Variants in HIVEP3 observed in about 807,000 individuals in gnomAD.
HIVEP3 encodes HIVEP zinc finger 3, also known as transcription factor HIVEP3.
In HIVEP3, 49 loss-of-function variants were observed where a neutral mutation model predicts 152.8. The observed-to-expected ratio is 0.32, with a 90% CI of 0.26 to 0.41. HIVEP3 has a LOEUF of 0.41. Ranked by LOEUF, HIVEP3 falls within the 10% of genes least tolerant of loss-of-function variation. The pLI, the probability that HIVEP3 is intolerant of heterozygous loss-of-function variation, is 1.00. For synonymous variants in HIVEP3, 1,269 were observed against 1,289.0 expected, an observed-to-expected ratio of 0.98 and a Z score of 0.33; for missense variants, 2,790 against 3,103.3, an observed-to-expected ratio of 0.90 and a Z score of 2.40.
chr1:41,622,494 C>T (rs935605521), intron 3 of HIVEP3, among the ~76,000 whole-genome samples: 18 of 152,148 alleles, frequency 1.2e-4, no homozygotes, highest in Non-Finnish European at 5.9e-5. Flanking sequence ...CAAATCCAGC[C>T]GGCTGCCTGT....
At chr1:41,973,074 A>ACACACACACC (rs1553139439) in intron 1 of HIVEP3, among the ~76,000 whole-genome samples, 17 of 151,776 alleles carry the variant, frequency 1.1e-4, no homozygotes, top group African/African-American at 3.9e-4. Flanking sequence ...ACACACACAC[A>ACACACACACC]ATTATGAAAG....
chr1:41,531,970 C>T (rs1306756549), intron 5 of HIVEP3, among the ~76,000 whole-genome samples: 2 of 49,094 alleles, frequency 4.1e-5, no homozygotes, highest in Admixed American at 2.7e-4. Context: ...AAGACAGGGG[C>T]GATAGAGGAC....
chr1:41,799,817 T>C (rs1650200666), intron 1 of HIVEP3, among the ~76,000 whole-genome samples: 2 of 151,808 alleles, frequency 1.3e-5, no homozygotes, highest in African/African-American at 2.4e-5. Flanking sequence ...ACCCCAAGCA[T>C]ACAGGTCTCT....
intron 8 of HIVEP3, among the ~76,000 whole-genome samples, chr1:41,512,196 G>A (rs1019822845): frequency 3.9e-5 from 6 of 152,130 alleles, no homozygotes; most frequent in Non-Finnish European, 5.9e-5. Context: ...GTGTTGAATT[G>A]TAAACCCCAG....
intron 1 of HIVEP3, among the ~76,000 whole-genome samples, chr1:41,880,357 A>G (rs1644242347): frequency 6.6e-6 from 1 of 152,146 alleles, no homozygotes; most frequent in South Asian, 2.1e-4. Flanking sequence ...CTCTTAATAA[A>G]TGGTAGGGCT....
At chr1:41,951,420 T>C (rs1164372021) in intron 1 of HIVEP3, among the ~76,000 whole-genome samples, 4 of 152,148 alleles carry the variant, frequency 2.6e-5, no homozygotes, top group Non-Finnish European at 5.9e-5. Context: ...AGACAATGAC[T>C]GAGAGAGGGC....
intron 1 of HIVEP3, among the ~76,000 whole-genome samples, chr1:41,946,630 T>C (rs1317377022): frequency 1.3e-5 from 2 of 152,066 alleles, no homozygotes; most frequent in East Asian, 1.9e-4. Flanking sequence ...CACCTGAACA[T>C]AGGAAAAGGA....
intron 2 of HIVEP3, among the ~76,000 whole-genome samples, chr1:41,657,528 C>T (rs190097969): frequency 1.4e-3 from 206 of 152,306 alleles, no homozygotes; most frequent in African/African-American, 4.7e-3. Context: ...TTTGTTGCCC[C>T]CTTTGGGAGC....
intron 2 of HIVEP3, among the ~76,000 whole-genome samples, chr1:41,677,770 T>C (rs1645979000): frequency 6.6e-6 from 1 of 152,190 alleles, no homozygotes; most frequent in South Asian, 2.1e-4. Context: ...TGCGTCTGCT[T>C]CCCCGCACAT....
At chr1:41,568,066 C>T (rs760536040) in intron 5 of HIVEP3, among the ~76,000 whole-genome samples, 1 of 152,214 alleles carries the variant, frequency 6.6e-6, no homozygotes, top group Non-Finnish European at 1.5e-5. Flanking sequence ...TATTCCCCAG[C>T]ACTGCCTATG....
At chr1:41,838,842 C>T (rs965683638) in intron 1 of HIVEP3, among the ~76,000 whole-genome samples, 2 of 152,136 alleles carry the variant, frequency 1.3e-5, no homozygotes, top group African/African-American at 2.4e-5. Flanking sequence ...GGATTACCTA[C>T]GAATCTCAGT....
At chr1:41,575,337 C>T (rs1010528355) in intron 5 of HIVEP3, among the ~76,000 whole-genome samples, 1 of 152,170 alleles carries the variant, frequency 6.6e-6, no homozygotes, top group Non-Finnish European at 1.5e-5. Context: ...CAGCATCACC[C>T]ATCCCCACCA....
At chr1:41,986,047 G>A (rs1645320631) in intron 1 of HIVEP3, among the ~76,000 whole-genome samples, 1 of 152,178 alleles carries the variant, frequency 6.6e-6, no homozygotes, top group African/African-American at 2.4e-5. Flanking sequence ...AGTTTGTGGA[G>A]CCAAGATCTA....
intron 1 of HIVEP3, among the ~76,000 whole-genome samples, chr1:41,807,404 C>T (rs1212874596): frequency 6.6e-6 from 1 of 152,192 alleles, no homozygotes; most frequent in Admixed American, 6.5e-5. Flanking sequence ...CATACTTCAC[C>T]TGTCTGGAGT....
At chr1:42,008,465 T>C (rs1645473456) in intron 1 of HIVEP3, among the ~76,000 whole-genome samples, 1 of 152,244 alleles carries the variant, frequency 6.6e-6, no homozygotes, top group Admixed American at 6.5e-5. Context: ...TTGAAGACAC[T>C]GTGGCTTCTT....
intron 1 of HIVEP3, among the ~76,000 whole-genome samples, chr1:41,946,577 C>G (rs1258426974): frequency 6.6e-6 from 1 of 152,128 alleles, no homozygotes; most frequent in Non-Finnish European, 1.5e-5. Flanking sequence ...GCCCCACTCG[C>G]TTGTTAGGGA....
chr1:41,737,095 C>T (rs923117927), intron 1 of HIVEP3, among the ~76,000 whole-genome samples: 6 of 152,192 alleles, frequency 3.9e-5, no homozygotes, highest in South Asian at 2.1e-4. Flanking sequence ...CCTCGTTCCC[C>T]GCTCACCAGT....
chr1:41,665,534 T>C (rs111721050), intron 2 of HIVEP3, among the ~76,000 whole-genome samples: 1 of 151,562 alleles, frequency 6.6e-6, no homozygotes, highest in Non-Finnish European at 1.5e-5. Flanking sequence ...GGTAAACAGA[T>C]ATCCCATTGC....
intron 1 of HIVEP3, among the ~76,000 whole-genome samples, chr1:41,779,659 C>T (rs776876172): frequency 1.3e-5 from 2 of 152,332 alleles, no homozygotes; most frequent in Non-Finnish European, 2.9e-5. Flanking sequence ...TTATGCCTGG[C>T]TAATTTTTGT....
Sources: gnomAD v4.1 joint callset for allele counts (sites outside exome capture counted in the v4.1 genomes callset) on GRCh38, gnomAD v4.1.1 for gene constraint, MANE v1.5 for transcripts, NCBI Gene and HGNC (gene_info 2026-07-23, HGNC 2026-07-21) for gene names.